USP18: variants seen among roughly 807,000 people sequenced by gnomAD.
USP18 encodes the protein ubiquitin specific peptidase 18.
Under a neutral mutation model 48.7 loss-of-function variants are expected in USP18, and 11 were observed. The observed-to-expected ratio is 0.23, with a 90% CI of 0.14 to 0.37. The LOEUF (loss-of-function observed/expected upper bound fraction) is 0.37. Among genes scored for constraint, USP18 ranks in the 10% least tolerant of loss-of-function variants. The pLI is 1.00. For missense variants in USP18, 285 were observed against 436.4 expected (o/e 0.65, Z 3.09); for synonymous variants, 114 against 163.2 (o/e 0.70, Z 2.30).
chr22:18,167,021 G>A (rs1929492616), intron 4 of USP18, among the ~76,000 whole-genome samples: 2 of 152,140 alleles, frequency 1.3e-5, no homozygotes, highest in African/African-American at 4.8e-5. Flanking sequence ...TTATAGGCAT[G>A]AGCCACTACA....
At chr22:18,152,459 CAAAA>C (rs34118953) in intron 1 of USP18, among the ~76,000 whole-genome samples, 3 of 127,114 alleles carry the variant, frequency 2.4e-5, no homozygotes, top group African/African-American at 2.8e-5. Context: ...GAACGTGAAC[CAAAA>C]AAAAAAAAAA....
intron 1 of USP18, among the ~76,000 whole-genome samples, chr22:18,153,861 G>T (rs1602517606): frequency 6.6e-6 from 1 of 151,890 alleles, no homozygotes; most frequent in African/African-American, 2.4e-5. Flanking sequence ...TGTACTCCAG[G>T]CTCATCCATG....
intron 1 of USP18, among the ~76,000 whole-genome samples, chr22:18,151,775 G>A (rs759729549): frequency 3.3e-5 from 5 of 152,108 alleles, no homozygotes; most frequent in Non-Finnish European, 7.3e-5. Flanking sequence ...ATGCAAAATA[G>A]GCCGGGCGCG....
intron 1 of USP18, among the ~76,000 whole-genome samples, chr22:18,155,878 C>T (rs147488873): frequency 1.2e-4 from 19 of 152,330 alleles, no homozygotes; most frequent in South Asian, 2.1e-4. Flanking sequence ...TGCGGGCGCA[C>T]GGCGCGGGAC....
chr22:18,170,472 G>A (rs1468719219), intron 7 of USP18, among the ~76,000 whole-genome samples: 6 of 152,220 alleles, frequency 3.9e-5, no homozygotes, highest in Non-Finnish European at 7.3e-5. Context: ...CCCTCCAGGC[G>A]AGACCAGCTC....
intron 4 of USP18, among the ~76,000 whole-genome samples, chr22:18,165,907 C>G (rs1397454564): frequency 1.3e-5 from 2 of 151,736 alleles, no homozygotes; most frequent in African/African-American, 4.8e-5. Context: ...CCCCCACCCC[C>G]ACAACACACC....
intron 10 of USP18, among the ~76,000 whole-genome samples, chr22:18,175,872 A>G (rs967467491): frequency 6.7e-6 from 1 of 150,174 alleles, no homozygotes; most frequent in Non-Finnish European, 1.5e-5. Context: ...CTAGCTACTC[A>G]GGAAGCTAAA....
At position 18,163,968 on chromosome 22, in the gene USP18, A is replaced by T. The variant is rs575738854; in HGVS notation, c.400+2033A>T. ...AGCTGGGAGCATGAGTTAATCCGCC[A>T]CTTGCTCTGCAAAACGCTGGACAGA... On this transcript the variant is annotated intron_variant, in intron 4 of 10. Coordinates refer to ENST00000215794, the MANE Select transcript of USP18 (RefSeq NM_017414.4). 2.6e-5 allele frequency among the ~76,000 whole-genome samples: 4 copies of T among 152,368 alleles called. No homozygotes were observed. The South Asian group carries it at 8.3e-4, about 32-fold the overall frequency.
At chr22:18,167,733 C>T (rs762617111) in intron 5 of USP18, among the ~76,000 whole-genome samples, 157 bp from the exon 6 acceptor site, 7 of 151,274 alleles carry the variant, frequency 4.6e-5, no homozygotes, top group African/African-American at 1.5e-4. Flanking sequence ...AAGAGTTAAT[C>T]CACATAAAAC....
chr22:18,165,926 A>G (rs1929464907), intron 4 of USP18, among the ~76,000 whole-genome samples: 2 of 151,846 alleles, frequency 1.3e-5, no homozygotes, highest in South Asian at 2.1e-4. Context: ...CCTTATGAAA[A>G]TGCCCCTCTC....
chr22:18,171,010 G>A, intron 8 of USP18, 90 bp downstream of exon 8: 2 of 514,148 alleles, frequency 3.9e-6, no homozygotes, highest in Non-Finnish European at 6.2e-6. Context: ...AGTCTGCTAG[G>A]AGCCACCTGT....
chr22:18,156,560 A>G (rs1161139157), intron 1 of USP18, among the ~76,000 whole-genome samples: 2 of 152,006 alleles, frequency 1.3e-5, no homozygotes, highest in African/African-American at 4.8e-5. Context: ...CTGCCTTAAG[A>G]GCTGTAACAC....
intron 10 of USP18, among the ~76,000 whole-genome samples, chr22:18,174,907 TTTTG>T (rs1006696764): frequency 0.011 from 1,613 of 151,986 alleles, 24 homozygotes; most frequent in African/African-American, 0.036. Context: ...CACACTGTTT[TTTTG>T]TTTGTTTGTT....
chr22:18,168,063 G>A (rs761777029), intron 6 of USP18, 27 bp downstream of exon 6: 1 of 1,612,370 alleles, frequency 6.2e-7, no homozygotes, highest in Admixed American at 1.7e-5. Flanking sequence ...GGTATTTGCT[G>A]CCCCTGTATG....
chr22:18,172,268 A>G, intron 8 of USP18, among the ~76,000 whole-genome samples: 1 of 152,238 alleles, frequency 6.6e-6, no homozygotes, highest in East Asian at 1.9e-4. Flanking sequence ...CCTGTACTGG[A>G]TTTTTTTGAA....
intron 1 of USP18, among the ~76,000 whole-genome samples, chr22:18,155,837 G>A (rs538938423): frequency 2.6e-5 from 4 of 152,346 alleles, no homozygotes; most frequent in Admixed American, 6.5e-5. Context: ...CCACGCCGCC[G>A]AGTCCCACCG....
chr22:18,163,948 G>A (rs1929401954), intron 4 of USP18, among the ~76,000 whole-genome samples: 1 of 152,226 alleles, frequency 6.6e-6, no homozygotes, highest in African/African-American at 2.4e-5. Context: ...GGAAAAGCTG[G>A]GAGCATGAGT....
At chr22:18,157,912 A>T (rs976647310) in intron 2 of USP18, 92 bp downstream of exon 2, 5 of 1,520,044 alleles carry the variant, frequency 3.3e-6, no homozygotes, top group Non-Finnish European at 4.5e-6. Context: ...TTTGTATTCG[A>T]CGGCTCATGC....
chr22:18,155,299 GC>G (rs934055459), intron 1 of USP18, among the ~76,000 whole-genome samples: 9 of 152,204 alleles, frequency 5.9e-5, no homozygotes, highest in African/African-American at 2.2e-4. Flanking sequence ...GGGTGATGAG[GC>G]TCTGCCCAGT....
Sources: allele counts gnomAD v4.1 joint callset (sites outside exome capture counted in the v4.1 genomes callset), GRCh38; gene constraint gnomAD v4.1.1; transcripts MANE v1.5; gene names NCBI Gene and HGNC (gene_info 2026-07-23, HGNC 2026-07-21).